Variants in OR1S1 observed in about 807,000 individuals in gnomAD.
The protein encoded by OR1S1 is olfactory receptor family 1 subfamily S member 1.
For synonymous variants in OR1S1, 156 were observed against 143.9 expected, an observed-to-expected ratio of 1.08 and a Z score of -0.60; for missense variants, 411 against 367.5, an observed-to-expected ratio of 1.12 and a Z score of -0.97.
chr11:58,215,450 A>G (rs1337165375), exon 2 of OR1S1: 3 of 1,614,140 alleles, frequency 1.9e-6, no homozygotes, highest in African/African-American at 1.3e-5. Context: ...CTGCATCATC[A>G]GAGCTGTCCT....
exon 2 of OR1S1, chr11:58,214,971 T>C (rs1335727518): frequency 6.2e-7 from 1 of 1,614,062 alleles, no homozygotes; most frequent in Non-Finnish European, 8.5e-7. Context: ...TATCTCTTCC[T>C]TGCCAATCTA....
chr11:58,214,022 T>C (rs1565108067), intron 1 of OR1S1, among the ~76,000 whole-genome samples: 1 of 152,232 alleles, frequency 6.6e-6, no homozygotes, highest in Non-Finnish European at 1.5e-5. Flanking sequence ...AAATGCAGAT[T>C]GCCCTACTAA....
exon 2 of OR1S1, chr11:58,214,867 T>G: frequency 6.2e-7 from 1 of 1,614,126 alleles, no homozygotes; most frequent in Non-Finnish European, 8.5e-7. Context: ...ACCTCCTCTT[T>G]GTGCTTTTCT....
chr11:58,215,973 G>A, exon 2 of OR1S1: 4 of 472,568 alleles, frequency 8.5e-6, no homozygotes, highest in East Asian at 3.4e-5. Context: ...GGGCCCAGGG[G>A]TGGGAAGATG....
At chr11:58,215,254 G>T (rs1993089) in exon 2 of OR1S1, 721,726 of 1,607,902 alleles carry the variant, frequency 0.45, 168,458 homozygotes, top group East Asian at 0.77. Context: ...TTATTGCTCT[G>T]ACACACACCC....
chr11:58,213,761 G>A (rs1202879400), intron 1 of OR1S1, among the ~76,000 whole-genome samples: 3 of 152,178 alleles, frequency 2.0e-5, no homozygotes, highest in African/African-American at 7.2e-5. Flanking sequence ...TTTGGGGTTC[G>A]TCAGGGGCTC....
chr11:58,215,322 A>G, exon 2 of OR1S1: 1 of 1,613,592 alleles, frequency 6.2e-7, no homozygotes, highest in African/African-American at 1.3e-5. Flanking sequence ...TTCTTCTGTG[A>G]CTTGGCCCCT....
At chr11:58,214,786 G>A in exon 2 of OR1S1, 3 of 1,613,742 alleles carry the variant, frequency 1.9e-6, no homozygotes, top group Non-Finnish European at 1.7e-6. Context: ...GCAGAAATAT[G>A]CATCAAGGAA....
rs1276366870 is a variant in OR1S1, at chr11:58,214,054, C to A, written c.-55-675C>A. Among the ~76,000 whole-genome samples the A allele has an allele frequency of 2.6e-5, 4 of 152,268 alleles. No homozygotes were observed. The East Asian group carries it at 7.7e-4, about 29-fold the overall frequency. Reference sequence around the variant, plus strand: ...CTAACCACCATCTTTTCCCTCTATCCCCACCATCTTTTCTCTTTACCCCTG... The same window carrying A: ...CTAACCACCATCTTTTCCCTCTATCACCACCATCTTTTCTCTTTACCCCTG... On this transcript the variant is annotated intron_variant, in intron 1 of 1. Coordinates refer to ENST00000641544, the Ensembl canonical transcript of OR1S1.
chr11:58,215,840 T>A (rs867678699), exon 2 of OR1S1: 5 of 1,305,496 alleles, frequency 3.8e-6, no homozygotes, highest in Middle Eastern at 3.8e-4. Context: ...CTGTCTCCTA[T>A]TCCAACCTCT....
At chr11:58,214,520 A>C (rs1852892276) in intron 1 of OR1S1, among the ~76,000 whole-genome samples, 1 of 152,202 alleles carries the variant, frequency 6.6e-6, no homozygotes, top group South Asian at 2.1e-4. Flanking sequence ...TTTAGAACCA[A>C]CTGGAAAAAT....
rs564612232 is a variant in OR1S1, at chr11:58,213,084, C to G, written c.-56+247C>G. 3.9e-5 allele frequency among the ~76,000 whole-genome samples: 6 copies of G among 152,342 alleles called. No homozygotes were observed. In the East Asian group the frequency reaches 1.2e-3, roughly 29 times the overall value. On this transcript the variant is annotated intron_variant, in intron 1 of 1. Coordinates refer to ENST00000641544, the Ensembl canonical transcript of OR1S1. ...TTTCAGGAGGAAAGAGACTTCAGAT[C>G]TCTGCTTCAATCTCTAATGCCTTTC...
chr11:58,215,961 C>T (rs1852934918), exon 2 of OR1S1: 1 of 496,648 alleles, frequency 2.0e-6, no homozygotes, highest in East Asian at 3.2e-5. Context: ...TGGTGGTTAC[C>T]AGGGCCCAGG....
chr11:58,214,876 CT>C lies in OR1S1; in HGVS notation c.95del (p.Leu32TrpfsTer8), dbSNP rs1565108390. The C allele has an allele frequency of 6.8e-6, 11 of 1,614,152 alleles. No homozygotes were observed. Among genetic ancestry groups the C allele is most frequent in the Non-Finnish European group, 9.3e-6 (11 of 1,180,012 alleles). On this transcript the variant is annotated frameshift_variant, in exon 2 of 2. Transcript: ENST00000641544. LOFTEE classifies it low-confidence loss of function (END_TRUNC). ...ATCAAAACCTCCTCTTTGTGCTTTTCTTGGGTATGTACCTGGTCACTGTGAT... is the reference window on the plus strand; with the variant it reads ...ATCAAAACCTCCTCTTTGTGCTTTTCTGGGTATGTACCTGGTCACTGTGAT...
At chr11:58,213,900 T>C (rs539442593) in intron 1 of OR1S1, among the ~76,000 whole-genome samples, 139 of 152,304 alleles carry the variant, frequency 9.1e-4, no homozygotes, top group African/African-American at 2.4e-3. Flanking sequence ...TCCTCTGCCC[T>C]GATAGGCTGT....
intron 1 of OR1S1, among the ~76,000 whole-genome samples, chr11:58,214,185 A>C (rs540714408): frequency 6.6e-6 from 1 of 152,336 alleles, no homozygotes; most frequent in South Asian, 2.1e-4. Context: ...ATGTAGCCAC[A>C]GATGAAGTAA....
chr11:58,215,141 T>A (rs778131817), exon 2 of OR1S1: 1 of 1,614,068 alleles, frequency 6.2e-7, no homozygotes, highest in East Asian at 2.2e-5. Flanking sequence ...GACCATGGCC[T>A]ATGACCACTT....
At chr11:58,214,250 C>G (rs1852882000) in intron 1 of OR1S1, among the ~76,000 whole-genome samples, 1 of 152,162 alleles carries the variant, frequency 6.6e-6, no homozygotes, top group African/African-American at 2.4e-5. Context: ...TTTTGGAGTT[C>G]TCCCCCGGCG....
At chr11:58,215,648 A>T (rs1228666950) in exon 2 of OR1S1, 3 of 1,613,958 alleles carry the variant, frequency 1.9e-6, no homozygotes, top group Non-Finnish European at 2.5e-6. Flanking sequence ...AAACCCCTTC[A>T]TCTACAGCTT....
Sources: allele counts gnomAD v4.1 joint callset (sites outside exome capture counted in the v4.1 genomes callset), GRCh38; gene constraint gnomAD v4.1.1; transcripts MANE v1.5; gene names NCBI Gene and HGNC (gene_info 2026-07-23, HGNC 2026-07-21).